Variants in GK5 observed in about 807,000 individuals in gnomAD.
The protein encoded by GK5 is ATP:glycerol 3-phosphotransferase 5.
A neutral mutation model predicts 77.3 loss-of-function variants in GK5; 39 were observed. That is an observed-to-expected ratio of 0.50 (90% CI 0.39 to 0.66). The LOEUF is 0.66. Among genes scored for constraint, GK5 ranks in the 30% least tolerant of loss-of-function variants. The probability of loss-of-function intolerance (pLI) is 0.00; values close to 1 mark genes in which losing one functional copy is unlikely to be tolerated. For missense variants in GK5, 487 were observed against 633.8 expected, an observed-to-expected ratio of 0.77 and a Z score of 2.49; for synonymous variants, 211 against 208.0, an observed-to-expected ratio of 1.01 and a Z score of -0.13.
intron 3 of GK5, among the ~76,000 whole-genome samples, chr3:142,208,876 G>A (rs780925634): frequency 2.6e-5 from 4 of 152,350 alleles, no homozygotes; most frequent in East Asian, 1.9e-4. Context: ...GAGGCCGGGC[G>A]TGGTGGCTCA....
At chr3:142,184,284 A>AAAAG (rs1560217229) in intron 9 of GK5, among the ~76,000 whole-genome samples, 7 of 149,462 alleles carry the variant, frequency 4.7e-5, no homozygotes, top group Non-Finnish European at 8.9e-5. Context: ...AAAAAAAAAA[A>AAAAG]AAGAAAATAA....
intron 5 of GK5, among the ~76,000 whole-genome samples, chr3:142,191,840 T>C (rs2063855930): frequency 6.6e-6 from 1 of 151,712 alleles, no homozygotes; most frequent in Non-Finnish European, 1.5e-5. Flanking sequence ...AAATAAATAG[T>C]GAAAACATTA....
chr3:142,186,057 TG>T (rs1392295973), intron 8 of GK5, 68 bp from the exon 9 acceptor site: 263 of 1,371,822 alleles, frequency 1.9e-4, no homozygotes, highest in South Asian at 4.8e-4. Context: ...CTCAGCAAAT[TG>T]TTTTTTTGCA....
intron 10 of GK5, among the ~76,000 whole-genome samples, chr3:142,181,956 G>C (rs2063702977): frequency 6.6e-6 from 1 of 152,192 alleles, no homozygotes; most frequent in Admixed American, 6.5e-5. Context: ...CTATGAGATT[G>C]GTTTGCTAGA....
intron 7 of GK5, 49 bp from the exon 8 acceptor site, chr3:142,186,316 AC>A: frequency 8.5e-7 from 1 of 1,177,410 alleles, no homozygotes; most frequent in Non-Finnish European, 1.3e-6. Flanking sequence ...CATATATCAA[AC>A]CTCTAAACAT....
chr3:142,170,562 T>C, intron 14 of GK5, 104 bp from the exon 15 acceptor site: 2 of 945,978 alleles, frequency 2.1e-6, no homozygotes. Flanking sequence ...ATTTTATAAA[T>C]TTTACTTTTT....
chr3:142,211,919 T>C (rs1392699268), intron 3 of GK5, among the ~76,000 whole-genome samples: 2 of 152,330 alleles, frequency 1.3e-5, no homozygotes, highest in South Asian at 4.1e-4. Flanking sequence ...AAACATTTTA[T>C]CATTTTTCCT....
intron 4 of GK5, among the ~76,000 whole-genome samples, chr3:142,203,738 C>A (rs1415417006): frequency 6.6e-6 from 1 of 152,148 alleles, no homozygotes; most frequent in African/African-American, 2.4e-5. Flanking sequence ...CGCGCCACTG[C>A]ACTCCAGCTT....
At chr3:142,180,219 C>T (rs901166375) in intron 11 of GK5, among the ~76,000 whole-genome samples, 8 of 152,152 alleles carry the variant, frequency 5.3e-5, no homozygotes, top group Non-Finnish European at 1.2e-4. Flanking sequence ...CCTGTGGCTG[C>T]AGTGACAGCA....
intron 10 of GK5, 86 bp from the exon 11 acceptor site, chr3:142,181,651 A>C: frequency 1.1e-6 from 1 of 894,306 alleles, no homozygotes; most frequent in Non-Finnish European, 1.7e-6. Context: ...TGGTTATCTC[A>C]AAAAACTGCA....
chr3:142,223,850 A>C (rs1259154947), intron 1 of GK5, among the ~76,000 whole-genome samples: 5 of 151,864 alleles, frequency 3.3e-5, no homozygotes, highest in Non-Finnish European at 7.4e-5. Context: ...AAGAAAAAAA[A>C]GAAAAACTTA....
At chr3:142,186,101 T>C in intron 8 of GK5, 93 bp downstream of exon 8, 3 of 1,150,334 alleles carry the variant, frequency 2.6e-6, no homozygotes, top group South Asian at 1.3e-5. Flanking sequence ...AACATACAAG[T>C]CCTTCAAACA....
chr3:142,215,622 G>T lies in GK5; in HGVS notation c.218C>A (p.Ala73Asp). Residue 73 changes from alanine (A) to aspartate (D), a missense_variant, in exon 2 of 16, where the codon GCC becomes GAC. Physicochemically the swap from Ala to Asp is moderately radical, Grantham distance 126. Around this residue, in one of 4 missense-constraint regions of GK5, gnomAD observed 323 missense variants for 437.4 expected, o/e 0.74. Transcript: ENST00000392993. The part of the protein sequence containing the change: ...DPDVLWIQFV[A>D]VIKEAVKAAG... The stretch of plus-strand genomic sequence containing the variant: ...ACCTTTGACTGCTTCTTTTATTACG[G>T]CAACAAATTGAATCCAAAGAACATC... The T allele has an allele frequency of 6.3e-7, 1 of 1,582,548 alleles. No homozygotes were observed. The highest frequency in any genetic ancestry group is 1.7e-5 in the Admixed American group (1 of 59,192).
intron 7 of GK5, 34 bp from the exon 8 acceptor site, chr3:142,186,301 A>G (rs1390127471): frequency 3.0e-6 from 4 of 1,315,704 alleles, no homozygotes; most frequent in Non-Finnish European, 1.1e-6. Flanking sequence ...GAATATACAT[A>G]TTTACATATA....
intron 6 of GK5, among the ~76,000 whole-genome samples, chr3:142,186,729 C>T (rs1376790129): frequency 6.7e-6 from 1 of 149,994 alleles, no homozygotes; most frequent in African/African-American, 2.5e-5. Context: ...CTCCCGGGTT[C>T]AAGTGATTCT....
Position 142,184,956 on chromosome 3 carries a change from G to A in GK5, c.816+973C>T, listed in dbSNP as rs150816922. 1,468 of 985,338 alleles carry A rather than the reference G, an allele frequency of 1.5e-3. 17 individuals are homozygous for A. The African/African-American group carries it at 0.023, about 16-fold the overall frequency. The allele number at this position is 985,338 out of a possible 1,614,324, so 61.0% of individuals were successfully genotyped here. ...ACCTATGCCTAGATTGAATAAGACC[G>A]ATCCTCTCTAAATGATAATGATTTT... On this transcript the variant is annotated intron_variant, in intron 9 of 15. Coordinates refer to ENST00000392993, the MANE Select transcript of GK5 (RefSeq NM_001039547.3).
At chr3:142,225,134 GA>G (rs1433566260) in intron 1 of GK5, among the ~76,000 whole-genome samples, 174 bp downstream of exon 1, 2 of 152,144 alleles carry the variant, frequency 1.3e-5, no homozygotes, top group African/African-American at 2.4e-5. Flanking sequence ...ACGAGGGAGG[GA>G]ACGCGAAGAC....
At chr3:142,178,273 A>G (rs2063648545) in intron 11 of GK5, among the ~76,000 whole-genome samples, 1 of 152,210 alleles carries the variant, frequency 6.6e-6, no homozygotes, top group Non-Finnish European at 1.5e-5. Context: ...TGATGAAAGT[A>G]TCATCTACCT....
intron 4 of GK5, 86 bp downstream of exon 4, chr3:142,204,609 C>A: frequency 1.2e-6 from 1 of 837,572 alleles, no homozygotes; most frequent in Non-Finnish European, 2.1e-6. Context: ...TGTCCTAAAA[C>A]AAAATAGGTA....
Sources: gnomAD v4.1 joint callset for allele counts (sites outside exome capture counted in the v4.1 genomes callset) on GRCh38, gnomAD v4.1.1 for gene constraint, gnomAD v4.1.1 regional missense constraint, MANE v1.5 for transcripts, NCBI Gene and HGNC (gene_info 2026-07-23, HGNC 2026-07-21) for gene names.